The following SHC4 variants were observed in gnomAD, a reference collection of about 807,000 sequenced individuals.
The protein encoded by SHC4 is SHC adaptor protein 4, also known as SHC-transforming protein 4.
SHC4 carries 41 observed loss-of-function variants against 69.4 expected under a neutral mutation model. That is an observed-to-expected ratio of 0.59 (90% CI 0.46 to 0.77). The LOEUF is 0.77. SHC4 is among the 30% of genes least tolerant of loss of function. The pLI, the probability that SHC4 is intolerant of heterozygous loss-of-function variation, is 0.00. For missense variants in SHC4, 777 were observed against 783.8 expected (o/e 0.99, Z 0.10); for synonymous variants, 318 against 299.3 (o/e 1.06, Z -0.64).
At chr15:48,934,452 T>C (rs931962781) in intron 1 of SHC4, among the ~76,000 whole-genome samples, 1 of 152,294 alleles carries the variant, frequency 6.6e-6, no homozygotes, top group Non-Finnish European at 1.5e-5. Context: ...AAATAAATGT[T>C]GGTGAAGATG....
chr15:48,951,736 T>A (rs935454009), intron 1 of SHC4, among the ~76,000 whole-genome samples: 4 of 152,220 alleles, frequency 2.6e-5, no homozygotes, highest in Non-Finnish European at 5.9e-5. Flanking sequence ...TCAGGTAAGA[T>A]ACCTCTTCCT....
In SHC4 at chr15:48,879,703, A is replaced by C. The variant is rs140670975; in HGVS notation, c.840+4545T>G. 3.3e-3 allele frequency: 548 copies of C among 167,204 alleles called. 5 individuals carry two copies. The highest frequency in any genetic ancestry group is 1.4e-3 in the Non-Finnish European group (98 of 68,108). The allele number at this position is 167,204 out of a possible 1,614,324, so 10.4% of individuals were successfully genotyped here. The stretch of plus-strand genomic sequence containing the variant: ...TTTAAAGGTTTTAAACCTGCCCAGA[A>C]ATTACCTTGGTATCTGAAGTTTCCC... On this transcript the variant is annotated intron_variant, in intron 4 of 11. Coordinates refer to ENST00000332408, the MANE Select transcript of SHC4 (RefSeq NM_203349.4).
chr15:48,862,036 G>A (rs966950264), intron 6 of SHC4, among the ~76,000 whole-genome samples: 4 of 152,218 alleles, frequency 2.6e-5, no homozygotes, highest in Admixed American at 1.3e-4. Flanking sequence ...ATCAAAGCAG[G>A]GAGTCCTCCA....
In SHC4 at chr15:48,952,979, C is replaced by T. The variant is rs150910338; in HGVS notation, c.585+9452G>A. ...GACACATGCACATGTATGTTCACTG[C>T]AGCACTATTCACAATAGCAAAGACA... is the stretch of plus-strand genomic sequence containing the variant. On this transcript the variant is annotated intron_variant, in intron 1 of 11. Coordinates refer to ENST00000332408, the MANE Select transcript of SHC4 (RefSeq NM_203349.4). Among the ~76,000 whole-genome samples, 833 of 152,262 alleles carry T rather than the reference C, an allele frequency of 5.5e-3. 19 individuals carry two copies. Among genetic ancestry groups the T allele is most frequent in the African/African-American group, 0.019 (797 of 41,538 alleles).
chr15:48,904,863 G>T (rs1900379132), intron 2 of SHC4, among the ~76,000 whole-genome samples: 1 of 151,626 alleles, frequency 6.6e-6, no homozygotes, highest in Admixed American at 6.6e-5. Flanking sequence ...TCCAGCCTGG[G>T]TTACAGCATC....
chr15:48,954,589 C>A (rs1901412793), intron 1 of SHC4, among the ~76,000 whole-genome samples: 1 of 152,230 alleles, frequency 6.6e-6, no homozygotes, highest in Non-Finnish European at 1.5e-5. Flanking sequence ...GAGCAGGGGA[C>A]TAGCGGATAA....
At chr15:48,936,250 C>T (rs955848155) in intron 1 of SHC4, among the ~76,000 whole-genome samples, 1 of 152,206 alleles carries the variant, frequency 6.6e-6, no homozygotes. Flanking sequence ...CAGTCATTCA[C>T]ATTGGAGACT....
chr15:48,864,173 C>T (rs1477757914), intron 6 of SHC4, among the ~76,000 whole-genome samples: 2 of 152,096 alleles, frequency 1.3e-5, no homozygotes, highest in Non-Finnish European at 2.9e-5. Context: ...TGCCTAGGTG[C>T]TATAAGCCAG....
chr15:48,887,536 A>G (rs1900057034), intron 3 of SHC4, among the ~76,000 whole-genome samples: 1 of 152,262 alleles, frequency 6.6e-6, no homozygotes, highest in African/African-American at 2.4e-5. Flanking sequence ...AATCATAGAT[A>G]TAAACACTTT....
intron 1 of SHC4, among the ~76,000 whole-genome samples, chr15:48,927,131 A>G (rs1456913277): frequency 1.3e-5 from 2 of 152,240 alleles, no homozygotes; most frequent in African/African-American, 4.8e-5. Flanking sequence ...AGCCCATCTC[A>G]GAATTGTCAA....
At chr15:48,943,449 C>A (rs1346139354) in intron 1 of SHC4, among the ~76,000 whole-genome samples, 1 of 152,100 alleles carries the variant, frequency 6.6e-6, no homozygotes, top group African/African-American at 2.4e-5. Context: ...TTTTTTAAGG[C>A]TGAATAATAT....
At chr15:48,836,548 CTTTT>C (rs201585158) in intron 10 of SHC4, among the ~76,000 whole-genome samples, 1 of 150,594 alleles carries the variant, frequency 6.6e-6, no homozygotes, top group Admixed American at 6.6e-5. Flanking sequence ...GACTTTGTTT[CTTTT>C]TTTTTGTTTT....
chr15:48,880,012 G>A (rs749185820), intron 4 of SHC4: 10 of 167,164 alleles, frequency 6.0e-5, no homozygotes, highest in South Asian at 2.1e-4. Context: ...GTATGTTGCC[G>A]TGGTTACCTT....
intron 1 of SHC4, among the ~76,000 whole-genome samples, chr15:48,933,028 C>A (rs2141029232): frequency 6.6e-6 from 1 of 152,042 alleles, no homozygotes; most frequent in East Asian, 1.9e-4. Context: ...TTAAATTTCC[C>A]AAAAGAATAA....
chr15:48,842,227 C>T (rs1899005551), intron 10 of SHC4, among the ~76,000 whole-genome samples: 1 of 152,174 alleles, frequency 6.6e-6, no homozygotes, highest in Admixed American at 6.5e-5. Context: ...ATTTTACCCA[C>T]AGTACATGGG....
At chr15:48,883,039 A>C (rs1899972371) in intron 4 of SHC4, among the ~76,000 whole-genome samples, 1 of 152,220 alleles carries the variant, frequency 6.6e-6, no homozygotes, top group African/African-American at 2.4e-5. Flanking sequence ...CTGCTTAAAC[A>C]GTGTATTTTA....
intron 1 of SHC4, among the ~76,000 whole-genome samples, chr15:48,926,378 G>A (rs959310130): frequency 1.3e-5 from 2 of 152,106 alleles, no homozygotes; most frequent in Admixed American, 1.3e-4. Context: ...TCTATGCTTG[G>A]GAATGGCAAA....
intron 1 of SHC4, among the ~76,000 whole-genome samples, chr15:48,949,946 TTA>T (rs921608872): frequency 2.1e-5 from 3 of 143,022 alleles, no homozygotes; most frequent in East Asian, 2.0e-4. Flanking sequence ...AGATTATATA[TTA>T]TATATAATTT....
At position 48,843,537 on chromosome 15, in the gene SHC4, T is replaced by C. The variant is rs1013623392; in HGVS notation, c.1355A>G (p.Lys452Arg). ...AAAGAGATCCACTCGGCACGTGTGC[T>C]TCAATAATGAGGTATCTCGCTGGGA... ...VQSQRDTSLL[K>R]HTCRVDLFDD... Residue 452 changes from lysine (K) to arginine (R), a missense_variant, in exon 10 of 12, where the codon AAG becomes AGG. By Grantham distance (26) the Lys-to-Arg change is conservative. Coordinates refer to ENST00000332408, the MANE Select transcript of SHC4 (RefSeq NM_203349.4). 6.2e-7 allele frequency: 1 copy of C among 1,614,192 alleles called. No individual in the cohort carries two copies. The highest frequency in any genetic ancestry group is 1.1e-5 in the South Asian group (1 of 91,082).
Sources: allele counts gnomAD v4.1 joint callset (sites outside exome capture counted in the v4.1 genomes callset), GRCh38; gene constraint gnomAD v4.1.1; transcripts MANE v1.5; gene names NCBI Gene and HGNC (gene_info 2026-07-23, HGNC 2026-07-21).